ADCY10: variants seen among roughly 807,000 people sequenced by gnomAD.
ADCY10 encodes the protein adenylate cyclase 10.
Under a neutral mutation model 183.3 loss-of-function variants are expected in ADCY10, and 156 were observed. The ratio of observed to expected loss-of-function variants is 0.85; its 90% CI spans 0.75 to 0.97. ADCY10 has a LOEUF of 0.97. Among genes scored for constraint, ADCY10 ranks in the 50% least tolerant of loss-of-function variants. The pLI is 0.00. For missense variants in ADCY10, 1,745 were observed against 1,934.3 expected (o/e 0.90, Z 1.84); for synonymous variants, 645 against 670.0 (o/e 0.96, Z 0.58).
intron 10 of ADCY10, 110 bp from the exon 11 acceptor site, chr1:167,880,301 T>A (rs1393068538): frequency 9.0e-7 from 1 of 1,114,818 alleles, no homozygotes; most frequent in African/African-American, 1.5e-5. Context: ...GGGAAAGGAT[T>A]TTCTCTACCC....
chr1:167,879,679 G>T (rs1383852347), intron 11 of ADCY10, among the ~76,000 whole-genome samples: 1 of 152,136 alleles, frequency 6.6e-6, no homozygotes, highest in Non-Finnish European at 1.5e-5. Context: ...ACCCTGATAG[G>T]ATGGAAAAGG....
chr1:167,901,538 A>C, intron 5 of ADCY10, 124 bp downstream of exon 5: 1 of 1,004,714 alleles, frequency 1.0e-6, no homozygotes, highest in Non-Finnish European at 1.6e-6. Flanking sequence ...CCTGATGCCA[A>C]AGTTCAGGGC....
At chr1:167,833,397 A>G (rs973906102) in intron 24 of ADCY10, among the ~76,000 whole-genome samples, 5 of 152,214 alleles carry the variant, frequency 3.3e-5, no homozygotes, top group African/African-American at 1.2e-4. Flanking sequence ...CCTCTGAGAC[A>G]ATGTTTACCC....
At position 167,824,797 on chromosome 1, in the gene ADCY10, A is replaced by T; in HGVS notation, c.3809T>A (p.Val1270Glu). The T allele has an allele frequency of 4.3e-6, 7 of 1,614,190 alleles. No homozygotes were observed. The highest frequency in any genetic ancestry group is 3.4e-6 in the Non-Finnish European group (4 of 1,180,030). Residue 1270 changes from valine to glutamate, a missense_variant, in exon 27 of 33, where the codon GTG becomes GAG. Coordinates refer to ENST00000367851, the MANE Select transcript of ADCY10 (RefSeq NM_018417.6). ...LYHHLAGYKG[V>E]WFKYEVMAME... The stretch of plus-strand genomic sequence containing the variant: ...GGCCATGACTTCATATTTGAACCAC[A>T]CACCTTTGTAGCCAGCCAGGTGGTG...
rs903603912 is a variant in ADCY10 at position 167,836,752 on chromosome 1, G to A, written c.3078-212C>T. On this transcript the variant is annotated intron_variant, in intron 22 of 32. Coordinates refer to ENST00000367851, the MANE Select transcript of ADCY10 (RefSeq NM_018417.6). ...TAAAAATATAAAAATTAGGCCGGGT[G>A]CGGTGGCTCATGCCTGTAATCCCAG... 3.3e-5 allele frequency among the ~76,000 whole-genome samples: 5 copies of A among 152,184 alleles called. No individual in the cohort carries two copies. In the East Asian group the frequency reaches 9.7e-4, roughly 29 times the overall value.
chr1:167,891,430 G>A (rs1668579216), intron 8 of ADCY10, among the ~76,000 whole-genome samples: 1 of 151,704 alleles, frequency 6.6e-6, no homozygotes, highest in Non-Finnish European at 1.5e-5. Context: ...GCTGAGGCGG[G>A]AAGATCACGA....
intron 5 of ADCY10, 49 bp downstream of exon 5, chr1:167,901,613 A>G: frequency 1.3e-6 from 2 of 1,589,384 alleles, no homozygotes; most frequent in Non-Finnish European, 8.6e-7. Context: ...CCCAGGAGTC[A>G]AGACCCTATC....
At position 167,870,271 on chromosome 1, in the gene ADCY10, T is replaced by G. The variant is rs1667003779; in HGVS notation, c.1602A>C (p.Gln534His). Reference sequence around the variant, plus strand: ...AAGACACTCACCTGTGATTCTTACCTTGGGCCAGGTACTCAATTTTCATAA... The same window carrying G: ...AAGACACTCACCTGTGATTCTTACCGTGGGCCAGGTACTCAATTTTCATAA... ...QILMKIEYLA[Q>H]GKNHRIIAIS... Residue 534 changes from glutamine (Q) to histidine (H), a missense_variant, in exon 14 of 33, where the codon CAA becomes CAC. Coordinates refer to ENST00000367851, the MANE Select transcript of ADCY10 (RefSeq NM_018417.6). 2 of 1,613,950 alleles carry G rather than the reference T, an allele frequency of 1.2e-6. No individual in the cohort carries two copies. Among genetic ancestry groups the G allele is most frequent in the African/African-American group, 1.3e-5 (1 of 74,920 alleles).
At chr1:167,908,439 A>G (rs931127093) in intron 1 of ADCY10, among the ~76,000 whole-genome samples, 37 of 152,190 alleles carry the variant, frequency 2.4e-4, no homozygotes, top group Non-Finnish European at 4.9e-4. Flanking sequence ...TGAAGGATAC[A>G]AAGTTTCAAT....
intron 18 of ADCY10, among the ~76,000 whole-genome samples, chr1:167,853,353 A>AGAT (rs573322378): frequency 2.0e-5 from 3 of 152,136 alleles, no homozygotes; most frequent in Admixed American, 6.5e-5. Context: ...AACAAACAGA[A>AGAT]GATGACATTG....
intron 7 of ADCY10, among the ~76,000 whole-genome samples, chr1:167,896,141 T>C (rs1342944653): frequency 6.6e-6 from 1 of 152,086 alleles, no homozygotes; most frequent in Admixed American, 6.6e-5. Context: ...GCGTAGAAGC[T>C]AGGTGTCAGC....
rs1165931033 is a variant in ADCY10, at chr1:167,905,128, T to A, written c.13A>T (p.Lys5Ter). The change falls in exon 2 of 33, where the codon AAA becomes TAA. Residue 5 changes from lysine (K) to a stop codon, truncating the protein, a stop_gained. Coordinates refer to ENST00000367851, the MANE Select transcript of ADCY10 (RefSeq NM_018417.6). LOFTEE classifies it high-confidence loss of function. ...ATGGGCCAGTCCTGGAATTCTTCTTTTGGAGTGTTCATGTTCAAGACAAAT... is the reference window on the plus strand; with the variant it reads ...ATGGGCCAGTCCTGGAATTCTTCTTATGGAGTGTTCATGTTCAAGACAAAT... MNTP[K>*]EEFQDWPIVR... 1 of 1,614,110 alleles carries A rather than the reference T, an allele frequency of 6.2e-7. No homozygotes were observed. The highest frequency in any genetic ancestry group is 1.7e-5 in the Admixed American group (1 of 60,014).
intron 23 of ADCY10, among the ~76,000 whole-genome samples, chr1:167,835,965 C>G (rs745904384): frequency 6.6e-6 from 1 of 152,182 alleles, no homozygotes; most frequent in Non-Finnish European, 1.5e-5. Flanking sequence ...TTAGGCTTAA[C>G]AGAGGGTAAA....
intron 1 of ADCY10, among the ~76,000 whole-genome samples, chr1:167,909,122 C>G (rs1669992577): frequency 6.6e-6 from 1 of 152,146 alleles, no homozygotes; most frequent in Middle Eastern, 3.2e-3. Flanking sequence ...ACATAGATCA[C>G]CTTTGCCAGT....
intron 30 of ADCY10, chr1:167,820,763 C>G (rs1208283366): frequency 6.6e-6 from 1 of 152,226 alleles, no homozygotes; most frequent in Non-Finnish European, 1.5e-5. Flanking sequence ...ATCACGACAT[C>G]CCATCTCTAC....
chr1:167,853,048 T>C (rs1334411453), intron 18 of ADCY10, among the ~76,000 whole-genome samples: 2 of 152,234 alleles, frequency 1.3e-5, no homozygotes, highest in Admixed American at 6.5e-5. Context: ...TTTTCTATCC[T>C]GCTACATAGA....
chr1:167,810,351 A>G (rs1200045559), intron 32 of ADCY10, among the ~76,000 whole-genome samples: 1 of 152,204 alleles, frequency 6.6e-6, no homozygotes, highest in African/African-American at 2.4e-5. Context: ...TGAAATTCAT[A>G]TGTTGAAAAT....
At chr1:167,859,428 G>C (rs781759544) in intron 16 of ADCY10, among the ~76,000 whole-genome samples, 1 of 152,200 alleles carries the variant, frequency 6.6e-6, no homozygotes. Context: ...GAAACATAGA[G>C]AGGGTAAGTC....
At position 167,848,395 on chromosome 1, in the gene ADCY10, TC is replaced by T. The variant is rs757428388; in HGVS notation, c.2402del (p.Arg801AsnfsTer2). ...EEVCHLTSGV[R>X]LKNLSPPTSL... ...ACGTTGGAGGTGACAGGTTTTTCAGTCTGACACCACTTGTGAGGTGACAGAC... is the reference window on the plus strand; with the variant it reads ...ACGTTGGAGGTGACAGGTTTTTCAGTTGACACCACTTGTGAGGTGACAGAC... On this transcript the variant is annotated frameshift_variant, in exon 19 of 33. Transcript: ENST00000367851. LOFTEE classifies it high-confidence loss of function. 18 of 1,613,898 alleles carry T rather than the reference TC, an allele frequency of 1.1e-5. No individual in the cohort carries two copies. The highest frequency in any genetic ancestry group is 1.5e-5 in the Non-Finnish European group (18 of 1,179,944).
Sources: allele counts gnomAD v4.1 joint callset (sites outside exome capture counted in the v4.1 genomes callset), GRCh38; gene constraint gnomAD v4.1.1; transcripts MANE v1.5; gene names NCBI Gene and HGNC (gene_info 2026-07-23, HGNC 2026-07-21).